JMJD1C: variants seen among roughly 807,000 people sequenced by gnomAD.
JMJD1C encodes jumonji domain containing 1C.
Under a neutral mutation model 245.3 loss-of-function variants are expected in JMJD1C, and 31 were observed. The ratio of observed to expected loss-of-function variants is 0.13; its 90% CI spans 0.09 to 0.17. The LOEUF (loss-of-function observed/expected upper bound fraction) is 0.17. JMJD1C is among the 10% of genes least tolerant of loss of function. The pLI is 1.00. For synonymous variants in JMJD1C, 1,057 were observed against 1,017.4 expected (o/e 1.04, Z -0.74); for missense variants, 2,691 against 3,000.2 (o/e 0.90, Z 2.41).
At chr10:63,262,341 A>C in intron 3 of JMJD1C, among the ~76,000 whole-genome samples, 1 of 152,300 alleles carries the variant, frequency 6.6e-6, no homozygotes, top group East Asian at 1.9e-4. Context: ...ATTTATTTAA[A>C]TAAATAAATT....
chr10:63,277,731 C>CTTTTTTTTTTTTTGTTTTTTTTT (rs1856946715), intron 2 of JMJD1C, among the ~76,000 whole-genome samples: 1 of 64,262 alleles, frequency 1.6e-5, no homozygotes, highest in Non-Finnish European at 2.6e-5. Flanking sequence ...ATTTGCATTT[C>CTTTTTTTTTTTTTGTTTTTTTTT]TTTTTTTTTT....
chr10:63,479,481 AAAATGAAATTTT>A (rs1473479910), intron 1 of JMJD1C, among the ~76,000 whole-genome samples: 5 of 152,340 alleles, frequency 3.3e-5, no homozygotes, highest in African/African-American at 1.2e-4. Flanking sequence ...AATTACCTCA[AAAATGAAATTTT>A]TGCCATTAGT....
intron 2 of JMJD1C, among the ~76,000 whole-genome samples, chr10:63,354,478 T>C (rs975501557): frequency 6.6e-6 from 1 of 152,178 alleles, no homozygotes; most frequent in African/African-American, 2.4e-5. Flanking sequence ...TATTTTTTAT[T>C]TGTGTAGCTC....
chr10:63,360,774 T>C (rs1302845031), intron 2 of JMJD1C, among the ~76,000 whole-genome samples: 1 of 152,096 alleles, frequency 6.6e-6, no homozygotes, highest in Admixed American at 6.5e-5. Context: ...AAACCTGATT[T>C]TAAAAGTATA....
rs529004182 is a variant in JMJD1C, at chr10:63,482,591, G to A, written n.113+39147C>T. Among the ~76,000 whole-genome samples, 25 of 152,076 alleles carry A rather than the reference G, an allele frequency of 1.6e-4. No homozygotes were observed. The East Asian group carries it at 3.3e-3, about 20-fold the overall frequency. ...GCCAAGGTAGCAGTGAGCTGACATC[G>A]CGCCACTGCACTCCAGCCTGGGTGA... On this transcript the variant is annotated intron_variant and non_coding_transcript_variant, in intron 1 of 3. Transcript: ENST00000633035.
chr10:63,391,354 C>CA lies in JMJD1C; in HGVS notation c.169-10873dup, dbSNP rs527454625. Among the ~76,000 whole-genome samples the CA allele has an allele frequency of 3.9e-5, 6 of 152,054 alleles. No homozygotes were observed. In the South Asian group the frequency reaches 6.2e-4, roughly 16 times the overall value. On this transcript the variant is annotated intron_variant, in intron 1 of 25. Coordinates refer to ENST00000399262, the MANE Select transcript of JMJD1C (RefSeq NM_032776.3). ...TGAAACCCCGTCTCTACTAAAAATA[C>CA]AAAAAATTAGCTGGGCATGGTGGCG...
At position 63,214,813 on chromosome 10, in the gene JMJD1C, C is replaced by A. The variant is rs1336344646; in HGVS notation, c.1354G>T (p.Val452Phe). The change falls in exon 8 of 26, where the codon GTT becomes TTT. Residue 452 changes from valine (V) to phenylalanine (F), a missense_variant. Transcript: ENST00000399262. ...ATATCTTCTTGAAGCTGAGTGTCAA[C>A]AGACTTCCGCTTCTCTGCTTCTTCA... ...KHEEAEKRKS[V>F]DTQLQEDMII... is the part of the protein sequence containing the mutation. The A allele has an allele frequency of 6.2e-7, 1 of 1,613,856 alleles. No homozygotes were observed. Among genetic ancestry groups the A allele is most frequent in the South Asian group, 1.1e-5 (1 of 91,072 alleles).
rs1208957255 is a variant in JMJD1C, at chr10:63,219,898, AC to A, written c.532del (p.Val178PhefsTer12). ...GTTACCTTGCATAAAAATCTCCTGA[AC>A]CTTTTGTTCCTTTACCCAGACTTTC... ...EVKVWVKEQK[V>X]QEIFMQGPYS... On this transcript the variant is annotated frameshift_variant, in exon 4 of 26. Coordinates refer to ENST00000399262, the MANE Select transcript of JMJD1C (RefSeq NM_032776.3). LOFTEE classifies it high-confidence loss of function. 1 of 1,613,144 alleles carries A rather than the reference AC, an allele frequency of 6.2e-7. No homozygotes were observed. The highest frequency in any genetic ancestry group is 1.3e-5 in the African/African-American group (1 of 74,882).
chr10:63,317,444 C>A (rs936071846), intron 2 of JMJD1C, among the ~76,000 whole-genome samples: 21 of 152,044 alleles, frequency 1.4e-4, no homozygotes, highest in African/African-American at 4.8e-4. Context: ...CTATAGTCAT[C>A]CTGCTCTGCC....
rs575990228 is a variant in JMJD1C at position 63,379,942 on chromosome 10, C to CTT, written c.333+374_333+375dup. On this transcript the variant is annotated intron_variant, in intron 2 of 25. Coordinates refer to ENST00000399262, the MANE Select transcript of JMJD1C (RefSeq NM_032776.3). Reference sequence around the variant, plus strand: ...TCTTAGTCTTAAATTTTCATTTATTCTTTTTTTTTTTGTTAAGAGATGGGG... The same window carrying CTT: ...TCTTAGTCTTAAATTTTCATTTATTCTTTTTTTTTTTTTGTTAAGAGATGGGG... 1.1e-3 allele frequency among the ~76,000 whole-genome samples: 155 copies of CTT among 145,798 alleles called. 2 individuals are homozygous for CTT. The highest frequency in any genetic ancestry group is 2.1e-3 in the Non-Finnish European group (139 of 65,858).
intron 2 of JMJD1C, among the ~76,000 whole-genome samples, chr10:63,361,039 G>T (rs1176701263): frequency 1.3e-5 from 2 of 152,086 alleles, no homozygotes; most frequent in Admixed American, 1.3e-4. Flanking sequence ...AACTTTGGCT[G>T]GTAGCTTAAA....
rs577412549 is a variant in JMJD1C, at chr10:63,227,466, T to C, written c.448-7483A>G. ...CAAAAGTCTCAACTGATGTCTAGAG[T>C]AGCACTTTCATTTTAGGATAAAAGA... On this transcript the variant is annotated intron_variant, in intron 3 of 25. Transcript: ENST00000399262. Among the ~76,000 whole-genome samples, 4 of 152,280 alleles carry C rather than the reference T, an allele frequency of 2.6e-5. No individual in the cohort carries two copies. In the South Asian group the frequency reaches 8.3e-4, roughly 32 times the overall value.
At chr10:63,502,065 G>A (rs1345034234) in intron 1 of JMJD1C, among the ~76,000 whole-genome samples, 4 of 152,070 alleles carry the variant, frequency 2.6e-5, no homozygotes, top group Non-Finnish European at 4.4e-5. Flanking sequence ...TGGCTACCAA[G>A]GAAATATACT....
intron 3 of JMJD1C, among the ~76,000 whole-genome samples, chr10:63,238,095 C>T (rs907078106): frequency 4.2e-5 from 6 of 144,214 alleles, no homozygotes; most frequent in South Asian, 2.2e-4. Context: ...GCATGAGAAT[C>T]GCTTGAACCT....
At chr10:63,456,440 TTAAA>T (rs1280810721) in intron 1 of JMJD1C, among the ~76,000 whole-genome samples, 1 of 152,274 alleles carries the variant, frequency 6.6e-6, no homozygotes, top group East Asian at 1.9e-4. Context: ...ATAAATTCTG[TTAAA>T]TATACAGTCA....
intron 2 of JMJD1C, among the ~76,000 whole-genome samples, chr10:63,281,683 G>A (rs1857423837): frequency 6.7e-6 from 1 of 150,106 alleles, no homozygotes; most frequent in African/African-American, 2.5e-5. Context: ...TGTTAGCCAG[G>A]ATGGTCTCGA....
At chr10:63,319,784 C>T (rs1940617896) in intron 2 of JMJD1C, among the ~76,000 whole-genome samples, 1 of 152,080 alleles carries the variant, frequency 6.6e-6, no homozygotes, top group Non-Finnish European at 1.5e-5. Context: ...GTTTTCTCCA[C>T]GACAGAGTCT....
intron 16 of JMJD1C, among the ~76,000 whole-genome samples, chr10:63,192,067 G>A (rs1306197635): frequency 2.0e-5 from 3 of 150,408 alleles, no homozygotes; most frequent in Non-Finnish European, 1.5e-5. Flanking sequence ...GTGCTCTGGT[G>A]GCTATATCAA....
At position 63,486,152 on chromosome 10, in the gene JMJD1C, A is replaced by C. The variant is rs1198127316; in HGVS notation, n.113+35586T>G. ...CAAGCAATTGTAAAAAAAAAAAAAA[A>C]AAAAAAAAAAAAAAAACAAAAAACA... On this transcript the variant is annotated intron_variant and non_coding_transcript_variant, in intron 1 of 3. Coordinates refer to the JMJD1C transcript ENST00000633035. Among the ~76,000 whole-genome samples the C allele has an allele frequency of 6.6e-4, 80 of 121,890 alleles. 1 individual carries two copies. The highest frequency in any genetic ancestry group is 2.3e-3 in the African/African-American group (76 of 32,928). The allele number at this position is 121,890 out of a possible 152,430, so 80.0% of individuals were successfully genotyped here. A position where few individuals can be genotyped will look rare whatever the true frequency, so the allele number is the denominator to read the frequency against.
Sources: gnomAD v4.1 joint callset for allele counts (sites outside exome capture counted in the v4.1 genomes callset) on GRCh38, gnomAD v4.1.1 for gene constraint, MANE v1.5 for transcripts, NCBI Gene and HGNC (gene_info 2026-07-23, HGNC 2026-07-21) for gene names.